The following GMNN variants were observed in gnomAD, a reference collection of about 807,000 sequenced individuals.
The protein encoded by GMNN is geminin DNA replication inhibitor, also known as geminin.
A neutral mutation model predicts 20.9 loss-of-function variants in GMNN; 14 were observed. The observed-to-expected ratio is 0.67, with a 90% CI of 0.44 to 1.05. The LOEUF is 1.05. GMNN is among the 50% of genes least tolerant of loss of function. GMNN has a pLI of 0.00. For missense variants in GMNN, 227 were observed against 243.8 expected, an observed-to-expected ratio of 0.93 and a Z score of 0.46; for synonymous variants, 81 against 85.8, an observed-to-expected ratio of 0.94 and a Z score of 0.31.
chr6:24,775,824 G>A (rs1780052474), intron 1 of GMNN: 1 of 152,194 alleles, frequency 6.6e-6, no homozygotes, highest in Non-Finnish European at 1.5e-5. Context: ...TTCACACTAA[G>A]GTACGTTTTA....
chr6:24,786,092 G>A lies in GMNN; in HGVS notation c.*293G>A, dbSNP rs1387300814. 1.3e-4 allele frequency: 30 copies of A among 225,920 alleles called. No homozygotes were observed. The highest frequency in any genetic ancestry group is 1.7e-4 in the Non-Finnish European group (20 of 116,108). 14.0% of individuals were successfully genotyped at this position (225,920 alleles called of 1,614,324 possible). A position where few individuals can be genotyped will look rare whatever the true frequency, so the allele number is the denominator to read the frequency against. ...GAATAATGAAATATAAGGAGTATGT[G>A]TAGAAAATTTGTCTGTTTCTATGCT... On this transcript the variant is annotated 3_prime_UTR_variant, in exon 7 of 7. Transcript: ENST00000230056.
Position 24,780,675 on chromosome 6 carries a change from C to T in GMNN, c.64C>T (p.Pro22Ser), listed in dbSNP as rs774279982. 2.8e-5 allele frequency: 45 copies of T among 1,579,494 alleles called. No homozygotes were observed. The Middle Eastern group carries it at 6.7e-4, about 23-fold the overall frequency. ...GCTGACTTTTTAGAATAGTTCTGTC[C>T]CAAGAAGAACTCTGAAGATGATTCA... ...IKENIKNSSV[P>S]RRTLKMIQPS... Residue 22 changes from proline (P) to serine (S), a missense_variant, in exon 3 of 7, where the codon CCA becomes TCA. By Grantham distance (74) the Pro-to-Ser change is moderately conservative. Coordinates refer to ENST00000230056, the MANE Select transcript of GMNN (RefSeq NM_015895.5).
In GMNN at chr6:24,779,784, T is replaced by C. The variant is rs1477279567; in HGVS notation, c.52-879T>C. The stretch of plus-strand genomic sequence containing the variant: ...GAGAGAACTTTCAGATCATGAAATA[T>C]ACAGGAAGTTGTTTACATATTACAA... On this transcript the variant is annotated intron_variant, in intron 2 of 6. Coordinates refer to ENST00000230056, the MANE Select transcript of GMNN (RefSeq NM_015895.5). Among the ~76,000 whole-genome samples, 31 of 152,224 alleles carry C rather than the reference T, an allele frequency of 2.0e-4. 1 individual carries two copies. The highest frequency in any genetic ancestry group is 2.0e-3 in the Admixed American group (31 of 15,280).
In GMNN at chr6:24,784,200, T is replaced by A. The variant is rs201538333; in HGVS notation, c.357+31T>A. 80 of 1,116,006 alleles carry A rather than the reference T, an allele frequency of 7.2e-5. No homozygotes were observed. The East Asian group carries it at 1.5e-3, about 20-fold the overall frequency. The allele number at this position is 1,116,006 out of a possible 1,614,324, so 69.1% of individuals were successfully genotyped here. A position where few individuals can be genotyped will look rare whatever the true frequency, so the allele number is the denominator to read the frequency against. On this transcript the variant is annotated intron_variant, in intron 5 of 6. Coordinates refer to ENST00000230056, the MANE Select transcript of GMNN (RefSeq NM_015895.5). ...TATTGAGTATAATTTGTACCATTTT[T>A]AAAAATTCCAGGATTGTTTTGCTGC...
chr6:24,776,507 A>G (rs1402696857), intron 1 of GMNN, among the ~76,000 whole-genome samples: 3 of 152,190 alleles, frequency 2.0e-5, no homozygotes, highest in Non-Finnish European at 4.4e-5. Flanking sequence ...AAATGTATTA[A>G]TGTTAGAAGC....
chr6:24,777,245 T>A lies in GMNN; in HGVS notation c.-2T>A. On this transcript the variant is annotated 5_prime_UTR_variant, in exon 2 of 7. Coordinates refer to ENST00000230056, the MANE Select transcript of GMNN (RefSeq NM_015895.5). ...AGTCTTCTGTGCTTCACCATCTACA[T>A]AATGAATCCCAGTATGAAGCAGAAA... The A allele has an allele frequency of 7.2e-7, 1 of 1,380,472 alleles. No homozygotes were observed. 85.5% of individuals were successfully genotyped at this position (1,380,472 alleles called of 1,614,324 possible).
intron 1 of GMNN, chr6:24,775,757 G>C (rs372227133): frequency 6.6e-6 from 1 of 152,238 alleles, no homozygotes; most frequent in Admixed American, 6.5e-5. Flanking sequence ...TTGCAAGGTC[G>C]CTGACAGGCG....
Position 24,775,069 on chromosome 6 carries a change from C to T in GMNN, c.-201C>T, listed in dbSNP as rs1780023442. 6.6e-6 allele frequency: 1 copy of T among 152,360 alleles called. No individual in the cohort carries two copies. The highest frequency in any genetic ancestry group is 2.4e-5 in the African/African-American group (1 of 41,466). The allele number at this position is 152,360 out of a possible 1,614,324, so 9.4% of individuals were successfully genotyped here. ...GTGGCCTTTTGCGAGGTGCTGCAGC[C>T]ATAGCTACGTGCGTTCGCTACGAGG... is the stretch of plus-strand genomic sequence containing the variant. On this transcript the variant is annotated 5_prime_UTR_variant, in exon 1 of 7. Coordinates refer to ENST00000230056, the MANE Select transcript of GMNN (RefSeq NM_015895.5).
At chr6:24,777,016 A>T in intron 1 of GMNN, 1 of 321,208 alleles carries the variant, frequency 3.1e-6, no homozygotes, top group Non-Finnish European at 5.7e-6. Flanking sequence ...TTTTTCAGCT[A>T]TAATTATTAT....
rs144011882 is a variant in GMNN at position 24,782,078 on chromosome 6, C to T, written c.274+457C>T. Among the ~76,000 whole-genome samples the T allele has an allele frequency of 3.3e-5, 5 of 151,714 alleles. No individual in the cohort carries two copies. In the East Asian group the frequency reaches 5.8e-4, roughly 18 times the overall value. ...CCAGCCTGGGATACAGGGCAAGACC[C>T]GGTCTCTGAAGGAAAAAAAAAGGGT... On this transcript the variant is annotated intron_variant, in intron 4 of 6. Transcript: ENST00000230056.
At position 24,774,976 on chromosome 6, in the gene GMNN, G is replaced by A. The variant is rs921779095; in HGVS notation, c.-294G>A. On this transcript the variant is annotated 5_prime_UTR_variant, in exon 1 of 7. Coordinates refer to ENST00000230056, the MANE Select transcript of GMNN (RefSeq NM_015895.5). Reference sequence around the variant, plus strand: ...TGGTTGTTCGGAGCGGGCGAGCGGAGTTAGCAGGGCTTTACTGCAGAGCGC... The same window carrying A: ...TGGTTGTTCGGAGCGGGCGAGCGGAATTAGCAGGGCTTTACTGCAGAGCGC... 10 of 152,462 alleles carry A rather than the reference G, an allele frequency of 6.6e-5. No individual in the cohort carries two copies. Among genetic ancestry groups the A allele is most frequent in the South Asian group, 2.1e-4 (1 of 4,834 alleles). 9.4% of individuals were successfully genotyped at this position (152,462 alleles called of 1,614,324 possible). A position where few individuals can be genotyped will look rare whatever the true frequency, so the allele number is the denominator to read the frequency against.
At chr6:24,779,423 A>C (rs1272493466) in intron 2 of GMNN, among the ~76,000 whole-genome samples, 1 of 152,196 alleles carries the variant, frequency 6.6e-6, no homozygotes, top group Non-Finnish European at 1.5e-5. Context: ...AAGCATTTAA[A>C]TAACACCTCT....
chr6:24,777,878 G>T (rs1780114274), intron 2 of GMNN: 1 of 152,206 alleles, frequency 6.6e-6, no homozygotes, highest in East Asian at 1.9e-4. Context: ...TATATCTTCA[G>T]AATTAAGAGT....
intron 2 of GMNN, among the ~76,000 whole-genome samples, chr6:24,779,670 TATC>T (rs1780154548): frequency 6.6e-6 from 1 of 152,236 alleles, no homozygotes; most frequent in Non-Finnish European, 1.5e-5. Flanking sequence ...GCTGGTATGG[TATC>T]ATGTTCTTGC....
chr6:24,784,620 T>A, intron 6 of GMNN, 66 bp downstream of exon 6: 1 of 714,438 alleles, frequency 1.4e-6, no homozygotes, highest in Non-Finnish European at 2.5e-6. Context: ...GGTAGTGTAG[T>A]GTGATCACTT....
intron 1 of GMNN, among the ~76,000 whole-genome samples, chr6:24,776,028 A>C (rs1331898180): frequency 6.6e-6 from 1 of 152,128 alleles, no homozygotes; most frequent in Non-Finnish European, 1.5e-5. Flanking sequence ...GGGCCCGAAC[A>C]CCATTTTCTT....
chr6:24,779,641 G>A (rs1321216101), intron 2 of GMNN, among the ~76,000 whole-genome samples: 2 of 152,202 alleles, frequency 1.3e-5, no homozygotes, highest in Non-Finnish European at 2.9e-5. Context: ...GTACAGTGTG[G>A]AATCAGTAAC....
intron 2 of GMNN, among the ~76,000 whole-genome samples, chr6:24,779,414 A>G (rs536985784): frequency 6.6e-6 from 1 of 152,312 alleles, no homozygotes; most frequent in South Asian, 2.1e-4. Context: ...ATTAACAGAA[A>G]GCATTTAAAT....
intron 2 of GMNN, chr6:24,777,661 G>A (rs1049383581): frequency 4.5e-5 from 7 of 154,788 alleles, no homozygotes; most frequent in African/African-American, 1.7e-4. Context: ...GAAAATAATT[G>A]ACTTTTGTGT....
Sources: allele counts gnomAD v4.1 joint callset (sites outside exome capture counted in the v4.1 genomes callset), GRCh38; gene constraint gnomAD v4.1.1; transcripts MANE v1.5; gene names NCBI Gene and HGNC (gene_info 2026-07-23, HGNC 2026-07-21).